Variants in CLSTN2 observed in about 807,000 individuals in gnomAD.
The protein encoded by CLSTN2 is calsyntenin 2.
Under a neutral mutation model 101.2 loss-of-function variants are expected in CLSTN2, and 48 were observed. The observed-to-expected ratio is 0.47, with a 90% CI of 0.38 to 0.60. The LOEUF (loss-of-function observed/expected upper bound fraction) is 0.60. Ranked by LOEUF, CLSTN2 falls within the 20% of genes least tolerant of loss-of-function variation. The pLI is 0.00. For synonymous variants in CLSTN2, 481 were observed against 463.6 expected (o/e 1.04, Z -0.48); for missense variants, 1,160 against 1,238.2 (o/e 0.94, Z 0.95).
intron 5 of CLSTN2, among the ~76,000 whole-genome samples, chr3:140,425,581 C>T (rs966491157): frequency 6.6e-6 from 1 of 152,188 alleles, no homozygotes; most frequent in Admixed American, 6.5e-5. Flanking sequence ...TCTTGCAGCC[C>T]ATGGCACTGA....
intron 1 of CLSTN2, among the ~76,000 whole-genome samples, chr3:139,982,927 A>G (rs1036359316): frequency 7.3e-5 from 11 of 151,016 alleles, no homozygotes; most frequent in Non-Finnish European, 2.9e-5. Context: ...TAGACTATAC[A>G]CATATGACTA....
chr3:140,523,550 C>G (rs750060980), intron 8 of CLSTN2, among the ~76,000 whole-genome samples: 19 of 152,216 alleles, frequency 1.2e-4, no homozygotes, highest in Non-Finnish European at 2.1e-4. Context: ...CCTATCCAGT[C>G]AGGCTGAAAA....
chr3:139,957,682 G>T (rs1319872143), intron 1 of CLSTN2, among the ~76,000 whole-genome samples: 1 of 152,126 alleles, frequency 6.6e-6, no homozygotes, highest in Non-Finnish European at 1.5e-5. Flanking sequence ...CTTTACAGGG[G>T]TAATGAGGGT....
At chr3:140,043,183 C>T (rs2007797032) in intron 1 of CLSTN2, among the ~76,000 whole-genome samples, 1 of 152,112 alleles carries the variant, frequency 6.6e-6, no homozygotes, top group African/African-American at 2.4e-5. Flanking sequence ...TCTCCAGCAC[C>T]TGTTGTTTCC....
rs1054551167 is a variant in CLSTN2 at position 140,576,280 on chromosome 3, C to T, written c.*10027C>T. On this transcript the variant is annotated 3_prime_UTR_variant, in exon 17 of 17. Transcript: ENST00000458420. ...GCACCTAGACTGCATCTGCTGAACA[C>T]CCAACAGCTGTTTCTACAAGCTAAA... 1.3e-5 allele frequency: 2 copies of T among 152,212 alleles called. No individual in the cohort carries two copies. The highest frequency in any genetic ancestry group is 2.4e-5 in the African/African-American group (1 of 41,458). The allele number at this position is 152,212 out of a possible 1,614,324, so 9.4% of individuals were successfully genotyped here.
At chr3:140,277,985 A>G (rs1461018231) in intron 2 of CLSTN2, among the ~76,000 whole-genome samples, 1 of 152,206 alleles carries the variant, frequency 6.6e-6, no homozygotes, top group Admixed American at 6.5e-5. Flanking sequence ...CTTTCTGCCA[A>G]TTCCGAGAGA....
intron 1 of CLSTN2, among the ~76,000 whole-genome samples, chr3:140,170,885 A>G (rs755574167): frequency 6.6e-6 from 1 of 152,170 alleles, no homozygotes; most frequent in Non-Finnish European, 1.5e-5. Flanking sequence ...GAGGATTCAC[A>G]TAGGACCAGG....
intron 4 of CLSTN2, among the ~76,000 whole-genome samples, chr3:140,408,888 G>A (rs989766175): frequency 6.6e-6 from 1 of 152,234 alleles, no homozygotes; most frequent in African/African-American, 2.4e-5. Context: ...TTGAAAATGT[G>A]TCTGTATCTG....
intron 2 of CLSTN2, among the ~76,000 whole-genome samples, chr3:140,355,450 T>A (rs1160097346): frequency 6.6e-6 from 1 of 152,216 alleles, no homozygotes; most frequent in Non-Finnish European, 1.5e-5. Flanking sequence ...CCTGAGATGA[T>A]GCCTGGAATA....
At chr3:140,200,972 C>T (rs2010711123) in intron 2 of CLSTN2, among the ~76,000 whole-genome samples, 1 of 152,174 alleles carries the variant, frequency 6.6e-6, no homozygotes, top group South Asian at 2.1e-4. Flanking sequence ...CTAGGAGTCT[C>T]CTCTCCCAAA....
intron 8 of CLSTN2, among the ~76,000 whole-genome samples, chr3:140,514,063 T>A (rs1934869762): frequency 6.6e-6 from 1 of 152,154 alleles, no homozygotes; most frequent in African/African-American, 2.4e-5. Flanking sequence ...TTTATTTTTT[T>A]GAAGTGTTTT....
chr3:140,141,248 C>T (rs2009692535), intron 1 of CLSTN2, among the ~76,000 whole-genome samples: 1 of 152,218 alleles, frequency 6.6e-6, no homozygotes, highest in African/African-American at 2.4e-5. Context: ...GGACTTTGTC[C>T]TAAATCCTGC....
rs2006655506 is a variant in CLSTN2, at chr3:139,996,227, A to AC, written c.109+60745dup. Among the ~76,000 whole-genome samples the AC allele has an allele frequency of 2.8e-5, 3 of 106,912 alleles. No homozygotes were observed. The Admixed American group carries it at 3.2e-4, about 12-fold the overall frequency. 70.1% of individuals were successfully genotyped at this position (106,912 alleles called of 152,430 possible). Reference sequence around the variant, plus strand: ...GTCTTACTGGATATTGTCTTCTGGGACTTTTTTTTCACAGTATGCTTTAAT... The same window carrying AC: ...GTCTTACTGGATATTGTCTTCTGGGACCTTTTTTTTCACAGTATGCTTTAAT... On this transcript the variant is annotated intron_variant, in intron 1 of 16. Coordinates refer to ENST00000458420, the MANE Select transcript of CLSTN2 (RefSeq NM_022131.3).
intron 1 of CLSTN2, among the ~76,000 whole-genome samples, chr3:140,142,400 G>T (rs1014899422): frequency 6.6e-6 from 1 of 152,146 alleles, no homozygotes; most frequent in Admixed American, 6.5e-5. Flanking sequence ...GGCCCACACT[G>T]GGGCAGGCCT....
intron 2 of CLSTN2, among the ~76,000 whole-genome samples, chr3:140,204,139 T>A (rs2107842931): frequency 6.6e-6 from 1 of 152,366 alleles, no homozygotes; most frequent in African/African-American, 2.4e-5. Flanking sequence ...ATCATTTAAC[T>A]TTTCAAATCT....
chr3:140,348,727 C>A (rs1264901768), intron 2 of CLSTN2, among the ~76,000 whole-genome samples: 1 of 152,162 alleles, frequency 6.6e-6, no homozygotes, highest in Non-Finnish European at 1.5e-5. Flanking sequence ...TGTAATAGCC[C>A]AGTCTGCCTA....
chr3:140,251,875 G>A (rs1460575151), intron 2 of CLSTN2, among the ~76,000 whole-genome samples: 1 of 152,164 alleles, frequency 6.6e-6, no homozygotes, highest in Non-Finnish European at 1.5e-5. Flanking sequence ...GAATAGGCTG[G>A]AAAGAGGAGG....
chr3:140,293,998 C>G (rs1269343449), intron 2 of CLSTN2, among the ~76,000 whole-genome samples: 1 of 152,140 alleles, frequency 6.6e-6, no homozygotes, highest in Admixed American at 6.5e-5. Flanking sequence ...TACTCTGTGC[C>G]CCATGGAAAG....
intron 5 of CLSTN2, among the ~76,000 whole-genome samples, chr3:140,428,885 A>G (rs1214284244): frequency 5.9e-5 from 9 of 152,186 alleles, no homozygotes; most frequent in Non-Finnish European, 8.8e-5. Flanking sequence ...CTTTTGGAGA[A>G]GCGCTTCTCA....
Sources: allele counts gnomAD v4.1 joint callset (sites outside exome capture counted in the v4.1 genomes callset), GRCh38; gene constraint gnomAD v4.1.1; transcripts MANE v1.5; gene names NCBI Gene and HGNC (gene_info 2026-07-23, HGNC 2026-07-21).